The following CDH4 variants were observed in gnomAD, a reference collection of about 807,000 sequenced individuals.
CDH4 encodes the protein cadherin 4.
In CDH4, 33 loss-of-function variants were observed where a neutral mutation model predicts 86.0. The observed-to-expected ratio is 0.38, with a 90% CI of 0.29 to 0.51. CDH4 has a LOEUF of 0.51. Among genes scored for constraint, CDH4 ranks in the 20% least tolerant of loss-of-function variants. The pLI, the probability that CDH4 is intolerant of heterozygous loss-of-function variation, is 0.86. For synonymous variants in CDH4, 555 were observed against 549.4 expected, an observed-to-expected ratio of 1.01 and a Z score of -0.14; for missense variants, 1,114 against 1,307.4, an observed-to-expected ratio of 0.85 and a Z score of 2.28.
At chr20:61,857,206 C>T (rs1214205770) in intron 6 of CDH4, among the ~76,000 whole-genome samples, 5 of 152,250 alleles carry the variant, frequency 3.3e-5, no homozygotes, top group African/African-American at 1.2e-4. Flanking sequence ...TCATGCGTTC[C>T]GCGCTGTCTG....
rs1600826681 is a variant in CDH4 at position 61,276,397 on chromosome 20, G to T, written c.169+21460G>T. 3.9e-5 allele frequency among the ~76,000 whole-genome samples: 6 copies of T among 152,304 alleles called. 1 individual carries two copies. In the South Asian group the frequency reaches 1.2e-3, roughly 32 times the overall value. ...TCCAGCTTTGAGATTAGATGCACTT[G>T]GTTAGACTCAATGTAAGTAGCTTGC... On this transcript the variant is annotated intron_variant, in intron 2 of 15. Transcript: ENST00000614565.
intron 2 of CDH4, among the ~76,000 whole-genome samples, chr20:61,540,308 T>C (rs1439346712): frequency 6.6e-6 from 1 of 152,224 alleles, no homozygotes; most frequent in Admixed American, 6.5e-5. Flanking sequence ...CAGCCAAAAA[T>C]GTATCCTTTG....
intron 2 of CDH4, among the ~76,000 whole-genome samples, chr20:61,618,520 T>A (rs1386659151): frequency 1.3e-5 from 2 of 152,176 alleles, no homozygotes; most frequent in Non-Finnish European, 2.9e-5. Context: ...CACCTTGGTG[T>A]TGCTGCCTGG....
In CDH4 at chr20:61,809,298, G is replaced by A. The variant is rs370533351; in HGVS notation, c.577-35370G>A. On this transcript the variant is annotated intron_variant, in intron 4 of 15. Transcript: ENST00000614565. ...TGATGTGGTCCCGGGGATGGTCAGC[G>A]GCAGGATGATGGGTGTGACGCATCT... Among the ~76,000 whole-genome samples the A allele has an allele frequency of 2.5e-3, 388 of 152,202 alleles. 2 individuals are homozygous for A. Among genetic ancestry groups the A allele is most frequent in the Admixed American group, 5.2e-3 (79 of 15,300 alleles).
At chr20:61,913,986 G>T (rs1029642891) in intron 9 of CDH4, among the ~76,000 whole-genome samples, 7 of 151,762 alleles carry the variant, frequency 4.6e-5, no homozygotes, top group Admixed American at 3.3e-4. Flanking sequence ...TACGTGGTGA[G>T]AATGGGGTTT....
At chr20:61,618,933 C>A (rs1385063719) in intron 2 of CDH4, among the ~76,000 whole-genome samples, 1 of 152,122 alleles carries the variant, frequency 6.6e-6, no homozygotes, top group Non-Finnish European at 1.5e-5. Flanking sequence ...AACGCTGCAC[C>A]CAGGGCCCGG....
intron 4 of CDH4, among the ~76,000 whole-genome samples, chr20:61,825,442 T>C (rs1981262931): frequency 6.6e-6 from 1 of 152,084 alleles, no homozygotes; most frequent in Non-Finnish European, 1.5e-5. Flanking sequence ...AATAGACTGA[T>C]AGACCTAGTC....
In CDH4 at chr20:61,262,013, C is replaced by T. The variant is rs77735981; in HGVS notation, c.169+7076C>T. Among the ~76,000 whole-genome samples, 102 of 152,282 alleles carry T rather than the reference C, an allele frequency of 6.7e-4. 2 individuals are homozygous for T. The East Asian group carries it at 0.016, about 23-fold the overall frequency. On this transcript the variant is annotated intron_variant, in intron 2 of 15. Coordinates refer to ENST00000614565, the MANE Select transcript of CDH4 (RefSeq NM_001794.5). ...TAGACTCTGCCAGCGCTGGGGAAGCCGGGCAGAGAGGGAGCAGAGAGAAGA... is the reference window on the plus strand; with the variant it reads ...TAGACTCTGCCAGCGCTGGGGAAGCTGGGCAGAGAGGGAGCAGAGAGAAGA...
At chr20:61,322,897 ATC>A in intron 2 of CDH4, among the ~76,000 whole-genome samples, 1 of 152,280 alleles carries the variant, frequency 6.6e-6, no homozygotes, top group East Asian at 1.9e-4. Context: ...AACAGGCTCT[ATC>A]CCTGGTGTCC....
chr20:61,809,599 T>C (rs1392079422), intron 4 of CDH4, among the ~76,000 whole-genome samples: 1 of 152,216 alleles, frequency 6.6e-6, no homozygotes, highest in Non-Finnish European at 1.5e-5. Context: ...ACACAAGGCA[T>C]GGCTGGATCC....
At chr20:61,597,120 C>T (rs1310640893) in intron 2 of CDH4, among the ~76,000 whole-genome samples, 1 of 152,240 alleles carries the variant, frequency 6.6e-6, no homozygotes, top group Non-Finnish European at 1.5e-5. Context: ...TGAGCACTCA[C>T]AGGAGGCTGC....
rs1383820098 is a variant in CDH4 at position 61,754,160 on chromosome 20, A to C, written c.396+10371A>C. Among the ~76,000 whole-genome samples the C allele has an allele frequency of 1.3e-5, 2 of 152,182 alleles. No individual in the cohort carries two copies. The highest frequency in any genetic ancestry group is 4.8e-5 in the African/African-American group (2 of 41,444). The stretch of plus-strand genomic sequence containing the variant: ...TCTCCTGCACAGCCTCCCAGGGACC[A>C]GTGCTGCAACATCTTGATTTTGGAC... On this transcript the variant is annotated intron_variant, in intron 3 of 15. Coordinates refer to ENST00000614565, the MANE Select transcript of CDH4 (RefSeq NM_001794.5). The surrounding 1 kb of genome is among the most constrained non-coding windows in gnomAD (Gnocchi z 4.7).
chr20:61,805,956 C>T (rs1193629390), intron 4 of CDH4, among the ~76,000 whole-genome samples: 1 of 152,210 alleles, frequency 6.6e-6, no homozygotes, highest in Non-Finnish European at 1.5e-5. Context: ...CACTGTGGTG[C>T]TGTGGAAAGC....
chr20:61,538,901 G>A (rs1160232305), intron 2 of CDH4, among the ~76,000 whole-genome samples: 1 of 152,242 alleles, frequency 6.6e-6, no homozygotes, highest in African/African-American at 2.4e-5. Context: ...TTGTGCAGGG[G>A]GTGGGGAGGT....
rs891670694 is a variant in CDH4 at position 61,377,305 on chromosome 20, G to T, written c.169+122368G>T. Reference sequence around the variant, plus strand: ...CAGCATCATTTAGGTGACACAGCCCGGGACTCCTGGGCCCTGACGAATCCA... The same window carrying T: ...CAGCATCATTTAGGTGACACAGCCCTGGACTCCTGGGCCCTGACGAATCCA... On this transcript the variant is annotated intron_variant, in intron 2 of 15. Coordinates refer to ENST00000614565, the MANE Select transcript of CDH4 (RefSeq NM_001794.5). The surrounding 1 kb of genome is among the most constrained non-coding windows in gnomAD (Gnocchi z 4.0). Among the ~76,000 whole-genome samples the T allele has an allele frequency of 1.3e-5, 2 of 152,148 alleles. No homozygotes were observed. The highest frequency in any genetic ancestry group is 2.9e-5 in the Non-Finnish European group (2 of 68,022).
At chr20:61,869,526 C>T (rs376413855) in intron 6 of CDH4, among the ~76,000 whole-genome samples, 11 of 152,316 alleles carry the variant, frequency 7.2e-5, no homozygotes, top group Non-Finnish European at 1.2e-4. Flanking sequence ...CCACGTTCCT[C>T]GTCTGTGGGA....
At chr20:61,429,429 A>G (rs905674311) in intron 2 of CDH4, among the ~76,000 whole-genome samples, 6 of 152,320 alleles carry the variant, frequency 3.9e-5, no homozygotes, top group Admixed American at 6.5e-5. Context: ...GCCAGATACT[A>G]TAGAGAGCGC....
At chr20:61,627,997 C>T (rs1211875382) in intron 2 of CDH4, among the ~76,000 whole-genome samples, 1 of 152,134 alleles carries the variant, frequency 6.6e-6, no homozygotes, top group Non-Finnish European at 1.5e-5. Context: ...CCTCACACAG[C>T]ACAAAGCCAA....
At chr20:61,388,025 G>T (rs947679527) in intron 2 of CDH4, among the ~76,000 whole-genome samples, 1 of 152,194 alleles carries the variant, frequency 6.6e-6, no homozygotes, top group Non-Finnish European at 1.5e-5. Flanking sequence ...TAATTTGGGG[G>T]CACTTAACAG....
Sources: allele counts gnomAD v4.1 joint callset (sites outside exome capture counted in the v4.1 genomes callset), GRCh38; gene constraint gnomAD v4.1.1; non-coding constraint Gnocchi (gnomAD v3.1); transcripts MANE v1.5; gene names NCBI Gene and HGNC (gene_info 2026-07-23, HGNC 2026-07-21).